The following DOCK7 variants were observed in gnomAD, a reference collection of about 807,000 sequenced individuals.
DOCK7 encodes the protein dedicator of cytokinesis protein 7.
In DOCK7, 138 loss-of-function variants were observed where a neutral mutation model predicts 271.0. The ratio of observed to expected loss-of-function variants is 0.51; its 90% CI spans 0.44 to 0.59. DOCK7 has a LOEUF of 0.59. Ranked by LOEUF, DOCK7 falls within the 20% of genes least tolerant of loss-of-function variation. The pLI is 0.00. For synonymous variants in DOCK7, 823 were observed against 876.1 expected (o/e 0.94, Z 1.07); for missense variants, 2,066 against 2,592.4 (o/e 0.80, Z 4.41).
chr1:62,496,116 A>G (rs1646614645), intron 38 of DOCK7, among the ~76,000 whole-genome samples: 1 of 152,190 alleles, frequency 6.6e-6, no homozygotes, highest in South Asian at 2.1e-4. Flanking sequence ...TGTTCTACTT[A>G]TTATAAATGC....
chr1:62,654,100 A>C lies in DOCK7; in HGVS notation c.204T>G (p.Pro68=), dbSNP rs769677434. The C allele has an allele frequency of 6.2e-7, 1 of 1,613,910 alleles. No individual in the cohort carries two copies. The highest frequency in any genetic ancestry group is 1.7e-5 in the Admixed American group (1 of 59,994). The stretch of plus-strand genomic sequence containing the variant: ...GTAAAGGCCCAGAATCCACAGCCAA[A>C]GGATGAGTAATGAGGTAATCTTCCA... ...VDLEDYLITH[P]LAVDSGPLRD... The change falls in exon 3 of 50, where the codon CCT becomes CCG. Residue 68 remains proline (P), a synonymous_variant. Coordinates refer to ENST00000635253, the MANE Select transcript of DOCK7 (RefSeq NM_001367561.1).
intron 7 of DOCK7, among the ~76,000 whole-genome samples, chr1:62,642,325 A>T (rs1045933654): frequency 6.6e-6 from 1 of 151,826 alleles, no homozygotes; most frequent in African/African-American, 2.4e-5. Context: ...TCCAGGCTTG[A>T]ACTCCTGACC....
intron 22 of DOCK7, among the ~76,000 whole-genome samples, chr1:62,546,753 A>G (rs1338774990): frequency 1.3e-5 from 2 of 152,148 alleles, no homozygotes; most frequent in African/African-American, 2.4e-5. Context: ...TGTTTAAAAT[A>G]AAATATCTGC....
intron 48 of DOCK7, among the ~76,000 whole-genome samples, chr1:62,468,531 C>T (rs1248217092): frequency 6.6e-6 from 1 of 152,120 alleles, no homozygotes; most frequent in African/African-American, 2.4e-5. Flanking sequence ...CTTACCACTT[C>T]TCTTCAACAT....
chr1:62,493,616 T>C (rs1468085971), intron 40 of DOCK7, among the ~76,000 whole-genome samples: 1 of 152,230 alleles, frequency 6.6e-6, no homozygotes, highest in Non-Finnish European at 1.5e-5. Flanking sequence ...AGCAATTGTT[T>C]TGGAGATTCA....
intron 21 of DOCK7, among the ~76,000 whole-genome samples, chr1:62,554,691 TA>T (rs1326774372): frequency 6.6e-6 from 1 of 151,726 alleles, no homozygotes; most frequent in Non-Finnish European, 1.5e-5. Context: ...GGTCAGCATG[TA>T]AAAAAAAGAT....
At chr1:62,553,370 T>TAAA (rs1646019731) in intron 21 of DOCK7, among the ~76,000 whole-genome samples, 1 of 8,040 alleles carries the variant, frequency 1.2e-4, no homozygotes, top group Non-Finnish European at 2.3e-4. Flanking sequence ...TTTTTTTTTT[T>TAAA]TTTTTTTTTT....
At chr1:62,470,120 C>T (rs768730011) in intron 48 of DOCK7, among the ~76,000 whole-genome samples, 3 of 152,170 alleles carry the variant, frequency 2.0e-5, no homozygotes, top group Non-Finnish European at 4.4e-5. Flanking sequence ...CTTGCACACA[C>T]ATATTTATAG....
chr1:62,592,562 A>G (rs1036286630), intron 14 of DOCK7, among the ~76,000 whole-genome samples: 6 of 152,200 alleles, frequency 3.9e-5, no homozygotes, highest in African/African-American at 1.4e-4. Flanking sequence ...TATAACAAAG[A>G]ATTAGTATCC....
chr1:62,560,320 C>T (rs1646281336), intron 19 of DOCK7, among the ~76,000 whole-genome samples: 1 of 152,124 alleles, frequency 6.6e-6, no homozygotes. Context: ...TACATATTCT[C>T]CATGGAAAAT....
At chr1:62,487,700 A>G in intron 42 of DOCK7, 1 of 313,518 alleles carries the variant, frequency 3.2e-6, no homozygotes, top group Non-Finnish European at 6.0e-6. Flanking sequence ...ATCTCTAACT[A>G]AGGTGAGCTG....
chr1:62,549,943 G>A (rs1209088632), intron 22 of DOCK7, among the ~76,000 whole-genome samples: 1 of 152,034 alleles, frequency 6.6e-6, no homozygotes, highest in East Asian at 1.9e-4. Flanking sequence ...TCTGTGCCTG[G>A]TTTATTTCAC....
intron 14 of DOCK7, among the ~76,000 whole-genome samples, chr1:62,606,690 T>C (rs1651047973): frequency 6.6e-6 from 1 of 152,148 alleles, no homozygotes; most frequent in Admixed American, 6.5e-5. Flanking sequence ...TATAACCCTA[T>C]TCCTTTCTCA....
At chr1:62,671,529 T>G (rs1482043658) in intron 1 of DOCK7, among the ~76,000 whole-genome samples, 1 of 151,776 alleles carries the variant, frequency 6.6e-6, no homozygotes, top group Non-Finnish European at 1.5e-5. Context: ...AAGAGAGAGA[T>G]ACTGAATAAG....
At chr1:62,471,430 G>C (rs1645827603) in intron 48 of DOCK7, among the ~76,000 whole-genome samples, 1 of 152,156 alleles carries the variant, frequency 6.6e-6, no homozygotes, top group Non-Finnish European at 1.5e-5. Flanking sequence ...GGGAGGCTGA[G>C]GTGGGAGGAT....
intron 48 of DOCK7, among the ~76,000 whole-genome samples, chr1:62,459,447 G>C (rs1327547289): frequency 6.6e-6 from 1 of 151,960 alleles, no homozygotes; most frequent in Admixed American, 6.6e-5. Flanking sequence ...CTCCATGTTG[G>C]CCAGGCTGGT....
chr1:62,563,368 C>T (rs1406571986), intron 18 of DOCK7, among the ~76,000 whole-genome samples: 1 of 152,058 alleles, frequency 6.6e-6, no homozygotes, highest in Non-Finnish European at 1.5e-5. Flanking sequence ...CTAGGAAACT[C>T]TCAACTGAAA....
At chr1:62,635,024 A>G (rs922299097) in intron 8 of DOCK7, 102 bp from the exon 9 acceptor site, 13 of 606,698 alleles carry the variant, frequency 2.1e-5, no homozygotes, top group Non-Finnish European at 3.5e-5. Context: ...AACTCTTTCA[A>G]TGAAACAATA....
intron 39 of DOCK7, 197 bp from the exon 40 acceptor site, chr1:62,494,664 T>TA: frequency 6.9e-6 from 2 of 289,300 alleles, no homozygotes; most frequent in Non-Finnish European, 1.3e-5. Context: ...TATCAGTTGG[T>TA]GGGGGGGGCA....
Sources: allele counts gnomAD v4.1 joint callset (sites outside exome capture counted in the v4.1 genomes callset), GRCh38; gene constraint gnomAD v4.1.1; transcripts MANE v1.5; gene names NCBI Gene and HGNC (gene_info 2026-07-23, HGNC 2026-07-21).